CARD6: variants seen among roughly 807,000 people sequenced by gnomAD.
CARD6 encodes caspase recruitment domain-containing protein 6.
In CARD6, 27 loss-of-function variants were observed where a neutral mutation model predicts 23.6. The ratio of observed to expected loss-of-function variants is 1.14; its 90% CI spans 0.84 to 1.58. The LOEUF (loss-of-function observed/expected upper bound fraction) is 1.58, where lower values mean the gene tolerates loss of function less well. CARD6 is among the 40% of genes most tolerant of loss of function. The pLI, the probability that CARD6 is intolerant of heterozygous loss-of-function variation, is 0.00. For missense variants in CARD6, 1,214 were observed against 1,209.9 expected (o/e 1.00, Z -0.05); for synonymous variants, 397 against 431.8 (o/e 0.92, Z 1.00).
chr5:40,852,962 G>A lies in CARD6; in HGVS notation c.1630G>A (p.Gly544Ser). ...GNLESFWTQF[G>S]FLMEVSSAVF... is the part of the protein sequence containing the mutation. The stretch of plus-strand genomic sequence containing the variant: ...TCTAGAAAGCTTTTGGACTCAGTTT[G>A]GTTTTTTGATGGAAGTTTCTTCAGC... Residue 544 changes from glycine (G) to serine (S), a missense_variant, in exon 3 of 3, where the codon GGT (glycine) becomes AGT (serine). Gly to Ser is a moderately conservative substitution (Grantham distance 56, BLOSUM62 0). Coordinates refer to ENST00000254691, the MANE Select transcript of CARD6 (RefSeq NM_032587.4). The A allele has an allele frequency of 6.2e-7, 1 of 1,614,064 alleles. No individual in the cohort carries two copies. Among genetic ancestry groups the A allele is most frequent in the Non-Finnish European group, 8.5e-7 (1 of 1,180,010 alleles).
Position 40,852,285 on chromosome 5 carries a change from C to T in CARD6, c.953C>T (p.Thr318Ile), listed in dbSNP as rs764329594. ...TCCTTAGATCGAGGATGTAAGTGGACCCCTGAGAGTCCAGGAGACTTAGCC... is the reference window on the plus strand; with the variant it reads ...TCCTTAGATCGAGGATGTAAGTGGATCCCTGAGAGTCCAGGAGACTTAGCC... The part of the protein sequence containing the change: ...QFSLDRGCKW[T>I]PESPGDLAWN... Residue 318 changes from threonine to isoleucine, a missense_variant, in exon 3 of 3, where the codon ACC becomes ATC. Transcript: ENST00000254691. 6 of 1,613,856 alleles carry T rather than the reference C, an allele frequency of 3.7e-6. No individual in the cohort carries two copies. The highest frequency in any genetic ancestry group is 4.5e-5 in the East Asian group (2 of 44,888).
chr5:40,854,364 A>C lies in CARD6; in HGVS notation c.3032A>C (p.Gln1011Pro), dbSNP rs937080685. 3 of 1,613,908 alleles carry C rather than the reference A, an allele frequency of 1.9e-6. No homozygotes were observed. The highest frequency in any genetic ancestry group is 2.5e-6 in the Non-Finnish European group (3 of 1,179,984). Residue 1011 changes from glutamine to proline, a missense_variant, in exon 3 of 3, where the codon CAA becomes CCA. Coordinates refer to ENST00000254691, the MANE Select transcript of CARD6 (RefSeq NM_032587.4). ...AAGCCTTCTCAGCCCAGACCCCCTC[A>C]ACCTAAGTCATCCTCAACCAATCCT... ...QSKPSQPRPP[Q>P]PKSSSTNPSQ...
rs1053043157 is a variant in CARD6, at chr5:40,855,101, C to T, written c.*655C>T. ...GTTAGGGTCTCTAATTGCAAAGTGA[C>T]TGTACAATAGGACGAAAGTTGCCTC... is the stretch of plus-strand genomic sequence containing the variant. On this transcript the variant is annotated 3_prime_UTR_variant, in exon 3 of 3. Coordinates refer to ENST00000254691, the MANE Select transcript of CARD6 (RefSeq NM_032587.4). The T allele has an allele frequency of 6.6e-6, 1 of 152,414 alleles. No individual in the cohort carries two copies. Among genetic ancestry groups the T allele is most frequent in the Non-Finnish European group, 1.5e-5 (1 of 68,142 alleles). The allele number at this position is 152,414 out of a possible 1,614,324, so 9.4% of individuals were successfully genotyped here. A position where few individuals can be genotyped will look rare whatever the true frequency, so the allele number is the denominator to read the frequency against.
In CARD6 at chr5:40,853,258, T is replaced by C. The variant is rs1448256716; in HGVS notation, c.1926T>C (p.Ser642=). 2 of 1,614,162 alleles carry C rather than the reference T, an allele frequency of 1.2e-6. No homozygotes were observed. Among genetic ancestry groups the C allele is most frequent in the Non-Finnish European group, 1.7e-6 (2 of 1,180,018 alleles). Reference sequence around the variant, plus strand: ...TCTCTTCTTGCCTCAGATGTGTGTCTGTGGAGGATATGGCCGCCCTGGCCA... The same window carrying C: ...TCTCTTCTTGCCTCAGATGTGTGTCCGTGGAGGATATGGCCGCCCTGGCCA... ...VMFSSCLRCV[S]VEDMAALARE... is the part of the protein sequence containing the mutation. The change falls in exon 3 of 3, where the codon TCT becomes TCC. Residue 642 remains serine (S), a synonymous_variant. Transcript: ENST00000254691.
rs564105077 is a variant in CARD6 at position 40,852,050 on chromosome 5, A to G, written c.842-124A>G. 11 of 635,236 alleles carry G rather than the reference A, an allele frequency of 1.7e-5. No homozygotes were observed. The African/African-American group carries it at 1.8e-4, about 11-fold the overall frequency. 39.3% of individuals were successfully genotyped at this position (635,236 alleles called of 1,614,324 possible). ...TAAGATGGTAGGATTGCTTGAGCCCAGGGTGATGATCATGCCCCTGGATTC... is the reference window on the plus strand; with the variant it reads ...TAAGATGGTAGGATTGCTTGAGCCCGGGGTGATGATCATGCCCCTGGATTC... On this transcript the variant is annotated intron_variant, in intron 2 of 2. Transcript: ENST00000254691.
chr5:40,852,441 T>C lies in CARD6; in HGVS notation c.1109T>C (p.Ile370Thr), dbSNP rs745567681. 12 of 1,614,170 alleles carry C rather than the reference T, an allele frequency of 7.4e-6. No homozygotes were observed. The highest frequency in any genetic ancestry group is 2.2e-5 in the East Asian group (1 of 44,886). Residue 370 changes from isoleucine (I) to threonine (T), a missense_variant, in exon 3 of 3, where the codon ATA becomes ACA. By Grantham distance (89) the Ile-to-Thr change is moderately conservative. Transcript: ENST00000254691. ...AGVENLEIRDIQTINPLDVLC... is the reference protein window; with the variant it reads ...AGVENLEIRDTQTINPLDVLC... ...GTGGAGAATTTGGAAATTCGAGACA[T>C]ACAAACCATTAATCCCCTTGACGTG...
intron 2 of CARD6, 34 bp downstream of exon 2, chr5:40,843,743 CAACTT>C (rs938667902): frequency 7.3e-7 from 1 of 1,370,864 alleles, no homozygotes; most frequent in African/African-American, 1.5e-5. Flanking sequence ...AGTTAGGCAA[CAACTT>C]AATAAGTTAA....
At chr5:40,849,367 CA>C (rs1310792332) in intron 2 of CARD6, among the ~76,000 whole-genome samples, 5 of 152,072 alleles carry the variant, frequency 3.3e-5, no homozygotes, top group Non-Finnish European at 7.4e-5. Context: ...CAGGAAAAAG[CA>C]GAACTTAAAA....
chr5:40,843,196 G>T lies in CARD6; in HGVS notation c.328G>T (p.Ala110Ser). The change falls in exon 2 of 3, where the codon GCA becomes TCA. Residue 110 changes from alanine to serine, a missense_variant. Transcript: ENST00000254691. ...TACAGTACCTCCTCAATCTATGGGG[G>T]CAAGCAGTAATTCAGAAGATGCTTT... is the stretch of plus-strand genomic sequence containing the variant. ...ENTVPPQSMGASSNSEDAFSP... is the reference protein window; with the variant it reads ...ENTVPPQSMGSSSNSEDAFSP... 3 of 1,612,652 alleles carry T rather than the reference G, an allele frequency of 1.9e-6. No homozygotes were observed. The highest frequency in any genetic ancestry group is 2.5e-6 in the Non-Finnish European group (3 of 1,179,608).
Position 40,841,476 on chromosome 5 carries a change from A to G in CARD6, c.94A>G (p.Thr32Ala). Residue 32 changes from threonine (T) to alanine (A), a missense_variant, in exon 1 of 3, where the codon ACG becomes GCG. Physicochemically the swap from Thr to Ala is moderately conservative, Grantham distance 58 (BLOSUM62 0). Transcript: ENST00000254691. ...LQHDPDSILD[T>A]LTSRRLISEE... Reference sequence around the variant, plus strand: ...ACATGATCCTGATTCTATCTTAGACACGTTAACTTCTCGGAGGCTGATTTC... The same window carrying G: ...ACATGATCCTGATTCTATCTTAGACGCGTTAACTTCTCGGAGGCTGATTTC... The G allele has an allele frequency of 6.2e-7, 1 of 1,613,956 alleles. No individual in the cohort carries two copies. The highest frequency in any genetic ancestry group is 8.5e-7 in the Non-Finnish European group (1 of 1,179,918).
rs200823697 is a variant in CARD6, at chr5:40,854,474, A to G, written c.*28A>G. ...AGCTAACTCCAGAGATCTATAAAGC[A>G]TATCCTTTACCCAGGCCATTCCTAT... is the stretch of plus-strand genomic sequence containing the variant. On this transcript the variant is annotated 3_prime_UTR_variant, in exon 3 of 3. Transcript: ENST00000254691. 1 of 1,563,896 alleles carries G rather than the reference A, an allele frequency of 6.4e-7. No homozygotes were observed. Among genetic ancestry groups the G allele is most frequent in the Non-Finnish European group, 8.8e-7 (1 of 1,137,706 alleles).
intron 2 of CARD6, among the ~76,000 whole-genome samples, chr5:40,851,964 T>TAA (rs113480026): frequency 2.1e-5 from 3 of 142,408 alleles, no homozygotes; most frequent in African/African-American, 5.2e-5. Flanking sequence ...CCATCTCTAT[T>TAA]AAAAAAAAAA....
intron 2 of CARD6, among the ~76,000 whole-genome samples, chr5:40,848,505 C>T (rs1746002180): frequency 6.6e-6 from 1 of 152,164 alleles, no homozygotes; most frequent in African/African-American, 2.4e-5. Flanking sequence ...CATGAGCCAC[C>T]ATGCCTGACT....
chr5:40,854,580 T>C lies in CARD6; in HGVS notation c.*134T>C, dbSNP rs1697938. On this transcript the variant is annotated 3_prime_UTR_variant, in exon 3 of 3. Coordinates refer to ENST00000254691, the MANE Select transcript of CARD6 (RefSeq NM_032587.4). Reference sequence around the variant, plus strand: ...TAAAACAAAGAAAGATATACATGACTGAATTGGATATCTTTGTTTGTTTGT... The same window carrying C: ...TAAAACAAAGAAAGATATACATGACCGAATTGGATATCTTTGTTTGTTTGT... The C allele has an allele frequency of 0.5, 362,660 of 718,778 alleles. 94,467 individuals carry two copies. The highest frequency in any genetic ancestry group is 0.79 in the African/African-American group (44,552 of 56,500). The allele number at this position is 718,778 out of a possible 1,614,324, so 44.5% of individuals were successfully genotyped here.
chr5:40,841,503 G>T lies in CARD6; in HGVS notation c.121G>T (p.Glu41Ter). Residue 41 changes from glutamate to a stop codon, truncating the protein, a stop_gained, in exon 1 of 3, where the codon GAG (glutamate) becomes TAG (stop). Transcript: ENST00000254691. LOFTEE classifies it high-confidence loss of function. The stretch of plus-strand genomic sequence containing the variant: ...GTTAACTTCTCGGAGGCTGATTTCT[G>T]AGGAAGAGTATGAGACTCTGGAGAA... ...DTLTSRRLIS[E>*]EEYETLENVT... is the part of the protein sequence containing the mutation. The T allele has an allele frequency of 6.2e-7, 1 of 1,614,088 alleles. No homozygotes were observed. The highest frequency in any genetic ancestry group is 1.3e-5 in the African/African-American group (1 of 75,010).
At position 40,853,662 on chromosome 5, in the gene CARD6, A is replaced by C. The variant is rs1231190298; in HGVS notation, c.2330A>C (p.Gln777Pro). Residue 777 changes from glutamine (Q) to proline (P), a missense_variant, in exon 3 of 3, where the codon CAG (glutamine) becomes CCG (proline). Physicochemically the swap from Gln to Pro is moderately conservative, Grantham distance 76 (BLOSUM62 -1). Transcript: ENST00000254691. ...HPLPFQNAGA[Q>P]GRGKSFGIQS... is the part of the protein sequence containing the mutation. The stretch of plus-strand genomic sequence containing the variant: ...TTGCCTTTTCAGAATGCAGGGGCCC[A>C]GGGCCGAGGTAAAAGTTTTGGTATT... The C allele has an allele frequency of 6.2e-7, 1 of 1,614,120 alleles. No individual in the cohort carries two copies. Among genetic ancestry groups the C allele is most frequent in the African/African-American group, 1.3e-5 (1 of 74,946 alleles).
rs924063672 is a variant in CARD6, at chr5:40,855,310, G to A, written c.*864G>A. On this transcript the variant is annotated 3_prime_UTR_variant, in exon 3 of 3. Coordinates refer to ENST00000254691, the MANE Select transcript of CARD6 (RefSeq NM_032587.4). ...CTCTCTCATTTGACCCTTATAGGTA[G>A]AAATAATGAATTAACAACCAATAAA... The A allele has an allele frequency of 6.6e-6, 1 of 152,318 alleles. No homozygotes were observed. The highest frequency in any genetic ancestry group is 1.5e-5 in the Non-Finnish European group (1 of 68,030). 9.4% of individuals were successfully genotyped at this position (152,318 alleles called of 1,614,324 possible). A position where few individuals can be genotyped will look rare whatever the true frequency, so the allele number is the denominator to read the frequency against.
chr5:40,854,030 C>G lies in CARD6; in HGVS notation c.2698C>G (p.Gln900Glu), dbSNP rs769845843. ...HIGKPHPQSFQPAAATQKLRP... is the reference protein window; with the variant it reads ...HIGKPHPQSFEPAAATQKLRP... ...TGGAAAGCCTCACCCTCAGTCCTTT[C>G]AACCAGCAGCAGCCACACAAAAACT... Residue 900 changes from glutamine (Q) to glutamate (E), a missense_variant, in exon 3 of 3, where the codon CAA becomes GAA. Physicochemically the swap from Gln to Glu is conservative, Grantham distance 29. Coordinates refer to ENST00000254691, the MANE Select transcript of CARD6 (RefSeq NM_032587.4). The G allele has an allele frequency of 3.0e-5, 49 of 1,614,074 alleles. No homozygotes were observed. In the Admixed American group the frequency reaches 7.3e-4, roughly 24 times the overall value.
rs762964993 is a variant in CARD6 at position 40,852,284 on chromosome 5, A to G, written c.952A>G (p.Thr318Ala). 1 of 1,613,912 alleles carries G rather than the reference A, an allele frequency of 6.2e-7. No homozygotes were observed. Among genetic ancestry groups the G allele is most frequent in the African/African-American group, 1.3e-5 (1 of 74,890 alleles). ...CTCCTTAGATCGAGGATGTAAGTGG[A>G]CCCCTGAGAGTCCAGGAGACTTAGC... Reference protein sequence around the residue: ...QFSLDRGCKWTPESPGDLAWN... With the variant: ...QFSLDRGCKWAPESPGDLAWN... Residue 318 changes from threonine (T) to alanine (A), a missense_variant, in exon 3 of 3, where the codon ACC becomes GCC. By Grantham distance (58) the Thr-to-Ala change is moderately conservative. Coordinates refer to ENST00000254691, the MANE Select transcript of CARD6 (RefSeq NM_032587.4).
Sources: allele counts gnomAD v4.1 joint callset (sites outside exome capture counted in the v4.1 genomes callset), GRCh38; gene constraint gnomAD v4.1.1; transcripts MANE v1.5; gene names NCBI Gene and HGNC (gene_info 2026-07-23, HGNC 2026-07-21).